Variants in DTNA observed in about 807,000 individuals in gnomAD.
The protein encoded by DTNA is dystrobrevin alpha, also known as dystrophin-related protein 3.
A neutral mutation model predicts 100.7 loss-of-function variants in DTNA; 43 were observed. That is an observed-to-expected ratio of 0.43 (90% CI 0.33 to 0.55). DTNA has a LOEUF of 0.55. Ranked by LOEUF, DTNA falls within the 20% of genes least tolerant of loss-of-function variation. DTNA has a pLI of 0.04. For missense variants in DTNA, 798 were observed against 953.9 expected, an observed-to-expected ratio of 0.84 and a Z score of 2.15; for synonymous variants, 349 against 347.9, an observed-to-expected ratio of 1.00 and a Z score of -0.04.
intron 13 of DTNA, among the ~76,000 whole-genome samples, chr18:34,842,920 T>C (rs956245358): frequency 5.3e-5 from 8 of 152,130 alleles, no homozygotes; most frequent in East Asian, 1.9e-4. Flanking sequence ...GGCTGGTTGG[T>C]TGGCTTACTA....
intron 1 of DTNA, among the ~76,000 whole-genome samples, chr18:34,533,260 T>G (rs773708215): frequency 5.9e-5 from 9 of 151,318 alleles, no homozygotes; most frequent in Non-Finnish European, 8.8e-5. Context: ...TAATCCCAGC[T>G]ACTTGGGAGG....
intron 6 of DTNA, among the ~76,000 whole-genome samples, chr18:34,813,841 CA>C (rs34385959): frequency 0.2 from 14,578 of 71,480 alleles, 640 homozygotes; most frequent in African/African-American, 0.27. Context: ...GACTCCATCT[CA>C]AAAAAAAAAA....
chr18:34,876,173 A>G (rs1289825989), intron 18 of DTNA, among the ~76,000 whole-genome samples: 1 of 152,200 alleles, frequency 6.6e-6, no homozygotes, highest in East Asian at 1.9e-4. Flanking sequence ...GATTATAGAC[A>G]CATACTCTTT....
intron 1 of DTNA, among the ~76,000 whole-genome samples, chr18:34,621,055 G>A (rs1433360593): frequency 6.6e-6 from 1 of 151,692 alleles, no homozygotes; most frequent in Non-Finnish European, 1.5e-5. Flanking sequence ...TAGATAGAAT[G>A]TGAACCGTTG....
At chr18:34,499,109 A>G (rs927456548) in intron 1 of DTNA, among the ~76,000 whole-genome samples, 3 of 152,196 alleles carry the variant, frequency 2.0e-5, no homozygotes. Flanking sequence ...TTGCTCTTCT[A>G]TGGCAACACC....
intron 9 of DTNA, 108 bp downstream of exon 9, chr18:34,821,023 T>A: frequency 6.6e-7 from 1 of 1,519,466 alleles, no homozygotes; most frequent in Non-Finnish European, 9.0e-7. Context: ...AGATTTTTAA[T>A]TTAGTTTAAA....
intron 1 of DTNA, among the ~76,000 whole-genome samples, chr18:34,534,961 A>G (rs2043536754): frequency 6.6e-6 from 1 of 152,172 alleles, no homozygotes. Context: ...ATATGTGTGC[A>G]TGTGTCTTTA....
At chr18:34,532,003 A>T (rs1390503408) in intron 1 of DTNA, among the ~76,000 whole-genome samples, 1 of 152,146 alleles carries the variant, frequency 6.6e-6, no homozygotes, top group Non-Finnish European at 1.5e-5. Context: ...ATGCTTTTTC[A>T]ATCATTTTAA....
chr18:34,881,168 AAAC>A (rs2096868000), intron 20 of DTNA, among the ~76,000 whole-genome samples: 1 of 152,210 alleles, frequency 6.6e-6, no homozygotes, highest in African/African-American at 2.4e-5. Flanking sequence ...AAATAAACGC[AAAC>A]AACGACATTT....
intron 1 of DTNA, among the ~76,000 whole-genome samples, chr18:34,673,370 G>T (rs1184467132): frequency 6.6e-6 from 1 of 152,048 alleles, no homozygotes; most frequent in Non-Finnish European, 1.5e-5. Context: ...GAACTCCTGG[G>T]TTCAAGGGAT....
chr18:34,565,127 A>G (rs2046975417), intron 1 of DTNA, among the ~76,000 whole-genome samples: 3 of 152,250 alleles, frequency 2.0e-5, no homozygotes, highest in African/African-American at 4.8e-5. Flanking sequence ...ACATTTAATA[A>G]GAATACAACT....
At chr18:34,784,846 G>A (rs1366440825) in intron 3 of DTNA, among the ~76,000 whole-genome samples, 1 of 151,852 alleles carries the variant, frequency 6.6e-6, no homozygotes, top group Non-Finnish European at 1.5e-5. Context: ...TCCCAACTCT[G>A]TGTGTATATG....
Position 34,877,758 on chromosome 18 carries a change from C to T in DTNA, c.1943C>T (p.Ala648Val). ...TTAAGGAATGACTTGCTAGTGGCTG[C>T]AGATTCCATCACTAACACTATGTCC... ...RNLRNDLLVAADSITNTMSSL... is the reference protein window; with the variant it reads ...RNLRNDLLVAVDSITNTMSSL... Residue 648 changes from alanine to valine, a missense_variant, in exon 19 of 23, where the codon GCA (alanine) becomes GTA (valine). Physicochemically the swap from Ala to Val is moderately conservative, Grantham distance 64 (BLOSUM62 0). Coordinates refer to ENST00000444659, the MANE Select transcript of DTNA (RefSeq NM_001386795.1). 1.2e-6 allele frequency: 2 copies of T among 1,613,360 alleles called. No homozygotes were observed. Among genetic ancestry groups the T allele is most frequent in the Non-Finnish European group, 1.7e-6 (2 of 1,179,830 alleles).
chr18:34,613,788 C>T (rs1583714), intron 1 of DTNA, among the ~76,000 whole-genome samples: 7,215 of 152,266 alleles, frequency 0.047, 262 homozygotes, highest in Non-Finnish European at 0.073. Context: ...CCATAACTAA[C>T]GTAACAGAAC....
At chr18:34,814,758 CA>C in intron 6 of DTNA, among the ~76,000 whole-genome samples, 2 of 151,932 alleles carry the variant, frequency 1.3e-5, no homozygotes, top group South Asian at 4.2e-4. Context: ...TTGACATGTT[CA>C]AAATTCCTTT....
intron 1 of DTNA, among the ~76,000 whole-genome samples, chr18:34,753,366 A>ATTTTATTTTATTTTTTTTTTTT (rs2092500633): frequency 2.3e-5 from 3 of 133,148 alleles, no homozygotes; most frequent in African/African-American, 9.6e-5. Context: ...TATTTATTTT[A>ATTTTATTTTATTTTTTTTTTTT]TTTTTTTTTT....
chr18:34,605,542 G>T (rs974497244), intron 1 of DTNA, among the ~76,000 whole-genome samples: 1 of 151,908 alleles, frequency 6.6e-6, no homozygotes, highest in Non-Finnish European at 1.5e-5. Context: ...TGAAGCAAAT[G>T]AAAGTGCTGC....
At chr18:34,651,542 A>C (rs894282813) in intron 1 of DTNA, among the ~76,000 whole-genome samples, 19 of 152,182 alleles carry the variant, frequency 1.2e-4, no homozygotes, top group African/African-American at 4.1e-4. Flanking sequence ...TGTTTCATTC[A>C]CTTAACAAAT....
At chr18:34,533,214 T>TA (rs1235371457) in intron 1 of DTNA, among the ~76,000 whole-genome samples, 2 of 150,512 alleles carry the variant, frequency 1.3e-5, no homozygotes, top group East Asian at 2.0e-4. Context: ...CTACTAAAAA[T>TA]AAAAAAAATT....
Sources: allele counts gnomAD v4.1 joint callset (sites outside exome capture counted in the v4.1 genomes callset), GRCh38; gene constraint gnomAD v4.1.1; transcripts MANE v1.5; gene names NCBI Gene and HGNC (gene_info 2026-07-23, HGNC 2026-07-21).